NKAIN2: variants seen among roughly 807,000 people sequenced by gnomAD.
NKAIN2 encodes the protein sodium/potassium-transporting ATPase subunit beta-1-interacting protein 2.
Under a neutral mutation model 32.6 loss-of-function variants are expected in NKAIN2, and 14 were observed. The observed-to-expected ratio is 0.43, with a 90% CI of 0.28 to 0.67. The LOEUF (loss-of-function observed/expected upper bound fraction) is 0.67. NKAIN2 is among the 30% of genes least tolerant of loss of function. The probability of loss-of-function intolerance (pLI) is 0.17; values close to 1 mark genes in which losing one functional copy is unlikely to be tolerated. For missense variants in NKAIN2, 198 were observed against 258.3 expected, an observed-to-expected ratio of 0.77 and a Z score of 1.60; for synonymous variants, 80 against 87.2, an observed-to-expected ratio of 0.92 and a Z score of 0.46.
chr6:124,793,555 C>T (rs957724194), intron 5 of NKAIN2, among the ~76,000 whole-genome samples: 1 of 151,808 alleles, frequency 6.6e-6, no homozygotes, highest in Non-Finnish European at 1.5e-5. Context: ...GATACCAGTG[C>T]ATTTTTATCT....
At chr6:124,499,176 T>C (rs1242888812) in intron 3 of NKAIN2, among the ~76,000 whole-genome samples, 1 of 152,192 alleles carries the variant, frequency 6.6e-6, no homozygotes, top group East Asian at 1.9e-4. Flanking sequence ...GTGTAATATT[T>C]TTCTAATCCT....
chr6:124,678,348 T>C (rs1773458470), intron 4 of NKAIN2, among the ~76,000 whole-genome samples: 1 of 152,146 alleles, frequency 6.6e-6, no homozygotes, highest in African/African-American at 2.4e-5. Flanking sequence ...AATATATACA[T>C]TGGTTCACTT....
intron 1 of NKAIN2, among the ~76,000 whole-genome samples, chr6:124,028,813 GTA>G (rs992244846): frequency 2.8e-5 from 4 of 141,124 alleles, no homozygotes; most frequent in African/African-American, 1.1e-4. Context: ...GTATATATAC[GTA>G]TATGTGTATA....
At chr6:123,880,843 A>C (rs1268415727) in intron 1 of NKAIN2, among the ~76,000 whole-genome samples, 2 of 152,228 alleles carry the variant, frequency 1.3e-5, no homozygotes, top group African/African-American at 4.8e-5. Flanking sequence ...GCAACTGTAA[A>C]AAGCTATCTT....
At chr6:124,651,260 T>C (rs899483738) in intron 3 of NKAIN2, among the ~76,000 whole-genome samples, 1 of 152,136 alleles carries the variant, frequency 6.6e-6, no homozygotes, top group African/African-American at 2.4e-5. Flanking sequence ...TCTCACAGGA[T>C]AGGGTGTCAT....
At chr6:124,348,037 T>C (rs930661327) in intron 2 of NKAIN2, among the ~76,000 whole-genome samples, 2 of 152,212 alleles carry the variant, frequency 1.3e-5, no homozygotes, top group African/African-American at 4.8e-5. Flanking sequence ...TTCTGTTTGT[T>C]AGTTTTCCTT....
At chr6:124,566,709 A>G (rs1780927043) in intron 3 of NKAIN2, among the ~76,000 whole-genome samples, 1 of 152,196 alleles carries the variant, frequency 6.6e-6, no homozygotes, top group Non-Finnish European at 1.5e-5. Context: ...TAATTTTAAT[A>G]TACTAATATG....
intron 4 of NKAIN2, among the ~76,000 whole-genome samples, chr6:124,710,985 T>C (rs947838102): frequency 6.7e-6 from 1 of 149,856 alleles, no homozygotes; most frequent in African/African-American, 2.5e-5. Context: ...TTCCTTTCCA[T>C]GTTTAGCGCT....
At chr6:124,130,787 A>C (rs1013049082) in intron 1 of NKAIN2, among the ~76,000 whole-genome samples, 4 of 152,196 alleles carry the variant, frequency 2.6e-5, no homozygotes, top group Non-Finnish European at 5.9e-5. Flanking sequence ...TGAATAAAGT[A>C]ATTACCTGGA....
intron 3 of NKAIN2, among the ~76,000 whole-genome samples, chr6:124,444,737 G>A (rs1158998094): frequency 6.6e-6 from 1 of 151,656 alleles, no homozygotes; most frequent in African/African-American, 2.4e-5. Flanking sequence ...CTTTTTTTAT[G>A]TCCCTATAGA....
intron 3 of NKAIN2, among the ~76,000 whole-genome samples, chr6:124,508,522 T>A (rs903676192): frequency 2.6e-5 from 4 of 151,738 alleles, no homozygotes; most frequent in Non-Finnish European, 5.9e-5. Context: ...TTTTTGTATT[T>A]TTAGTAGAGA....
chr6:124,206,659 A>T (rs552107875), intron 1 of NKAIN2, among the ~76,000 whole-genome samples: 1 of 152,006 alleles, frequency 6.6e-6, no homozygotes, highest in Admixed American at 6.6e-5. Context: ...TTCTCTTCAG[A>T]GTCATATTGC....
intron 4 of NKAIN2, among the ~76,000 whole-genome samples, chr6:124,776,546 T>C (rs1017029559): frequency 6.6e-6 from 1 of 152,144 alleles, no homozygotes; most frequent in African/African-American, 2.4e-5. Context: ...GATATGTGTA[T>C]GTGTTTGGGA....
At chr6:124,167,373 C>T (rs1308345293) in intron 1 of NKAIN2, among the ~76,000 whole-genome samples, 2 of 151,806 alleles carry the variant, frequency 1.3e-5, no homozygotes, top group African/African-American at 4.8e-5. Context: ...GATTTTGTAT[C>T]CTGAGACATT....
intron 1 of NKAIN2, among the ~76,000 whole-genome samples, chr6:124,052,249 CG>C (rs1229087448): frequency 1.3e-5 from 2 of 151,916 alleles, no homozygotes; most frequent in Non-Finnish European, 2.9e-5. Flanking sequence ...TTATAAAAGA[CG>C]TAGGAAGGAT....
At chr6:124,032,091 G>GGAT (rs971512717) in intron 1 of NKAIN2, among the ~76,000 whole-genome samples, 31 of 151,992 alleles carry the variant, frequency 2.0e-4, no homozygotes, top group Middle Eastern at 3.4e-3. Context: ...GCCATGAAAG[G>GGAT]GATGAGTTCA....
chr6:123,933,246 T>G (rs1223389692), intron 1 of NKAIN2, among the ~76,000 whole-genome samples: 1 of 152,208 alleles, frequency 6.6e-6, no homozygotes, highest in Middle Eastern at 3.2e-3. Context: ...AAATTTGTAT[T>G]TAATGTTGCA....
intron 4 of NKAIN2, among the ~76,000 whole-genome samples, chr6:124,725,949 C>T (rs1013141245): frequency 4.6e-5 from 7 of 152,354 alleles, no homozygotes; most frequent in African/African-American, 7.2e-5. Flanking sequence ...GGGTGACGGA[C>T]GGCACCTTGA....
intron 1 of NKAIN2, among the ~76,000 whole-genome samples, chr6:123,996,592 A>T (rs1045349474): frequency 1.3e-5 from 2 of 152,164 alleles, no homozygotes; most frequent in Non-Finnish European, 2.9e-5. Context: ...ATTAACTAGT[A>T]AAATAGTATT....
Sources: gnomAD v4.1 joint callset for allele counts (sites outside exome capture counted in the v4.1 genomes callset) on GRCh38, gnomAD v4.1.1 for gene constraint, MANE v1.5 for transcripts, NCBI Gene and HGNC (gene_info 2026-07-23, HGNC 2026-07-21) for gene names.